Variants in TRIM72 observed in about 807,000 individuals in gnomAD.
The protein encoded by TRIM72 is tripartite motif-containing protein 72.
In TRIM72, 33 loss-of-function variants were observed where a neutral mutation model predicts 31.6. The ratio of observed to expected loss-of-function variants is 1.04; its 90% CI spans 0.79 to 1.40. TRIM72 has a LOEUF of 1.40. TRIM72 is among the 40% of genes most tolerant of loss of function. The pLI is 0.00. For missense variants in TRIM72, 666 were observed against 682.7 expected, an observed-to-expected ratio of 0.98 and a Z score of 0.27; for synonymous variants, 301 against 314.4, an observed-to-expected ratio of 0.96 and a Z score of 0.45.
At chr16:31,221,943 G>A (rs1184032188) in intron 5 of TRIM72, among the ~76,000 whole-genome samples, 1 of 151,588 alleles carries the variant, frequency 6.6e-6, no homozygotes, top group East Asian at 1.9e-4. Context: ...GGCATTGCTG[G>A]GAGAAGGGTG....
At chr16:31,217,184 C>G in intron 2 of TRIM72, 1 of 771,058 alleles carries the variant, frequency 1.3e-6, no homozygotes, top group Non-Finnish European at 2.0e-6. Context: ...GGAGGGGACT[C>G]TGCAAACACC....
Position 31,227,070 on chromosome 16 carries a change from A to T in TRIM72, c.*2315A>T, listed in dbSNP as rs1178324473. 6.6e-6 allele frequency: 1 copy of T among 152,222 alleles called. No homozygotes were observed. The highest frequency in any genetic ancestry group is 2.4e-5 in the African/African-American group (1 of 41,462). 9.4% of individuals were successfully genotyped at this position (152,222 alleles called of 1,614,324 possible). On this transcript the variant is annotated 3_prime_UTR_variant, in exon 7 of 7. Coordinates refer to ENST00000322122, the MANE Select transcript of TRIM72 (RefSeq NM_001008274.4). ...AGACAGAAGAGAGGATTAACGGTAG[A>T]AGCTCTTTCATGTTAGAAAATAAAA... is the stretch of plus-strand genomic sequence containing the variant.
At chr16:31,214,645 GGGCCCGGCCT>G in intron 1 of TRIM72, 77 bp from the exon 2 acceptor site, 1 of 1,332,914 alleles carries the variant, frequency 7.5e-7, no homozygotes, top group South Asian at 1.7e-5. Context: ...GCGGGGCGGC[GGGCCCGGCCT>G]GGGCTAGGGC....
Position 31,216,463 on chromosome 16 carries a change from C to A in TRIM72, c.390+1335C>A. 2.5e-6 allele frequency: 1 copy of A among 397,480 alleles called. No homozygotes were observed. Among genetic ancestry groups the A allele is most frequent in the Non-Finnish European group, 4.5e-6 (1 of 224,076 alleles). 24.6% of individuals were successfully genotyped at this position (397,480 alleles called of 1,614,324 possible). ...AACAAACAAACAAAAAAAACCCAAC[C>A]TCGCCCAACCTTGCCCGTCTTTATC... On this transcript the variant is annotated intron_variant, in intron 2 of 6. Coordinates refer to ENST00000322122, the MANE Select transcript of TRIM72 (RefSeq NM_001008274.4). The surrounding 1 kb of genome is among the most constrained non-coding windows in gnomAD (Gnocchi z 6.7).
Position 31,216,734 on chromosome 16 carries a change from A to C in TRIM72, c.390+1606A>C. The C allele has an allele frequency of 3.8e-6, 6 of 1,579,732 alleles. No individual in the cohort carries two copies. The highest frequency in any genetic ancestry group is 5.2e-6 in the Non-Finnish European group (6 of 1,157,956). On this transcript the variant is annotated intron_variant, in intron 2 of 6. Coordinates refer to ENST00000322122, the MANE Select transcript of TRIM72 (RefSeq NM_001008274.4). The surrounding 1 kb of genome is among the most constrained non-coding windows in gnomAD (Gnocchi z 6.7). ...CGAGGAAGCGGGGTTGGGTCCCGAGATCACGTACCAGCTCAGAGTGGCCCT... is the reference window on the plus strand; with the variant it reads ...CGAGGAAGCGGGGTTGGGTCCCGAGCTCACGTACCAGCTCAGAGTGGCCCT...
Position 31,215,641 on chromosome 16 carries a change from C to T in TRIM72, c.390+513C>T, listed in dbSNP as rs1387469534. Among the ~76,000 whole-genome samples the T allele has an allele frequency of 2.0e-5, 3 of 152,206 alleles. No individual in the cohort carries two copies. The highest frequency in any genetic ancestry group is 2.9e-5 in the Non-Finnish European group (2 of 68,032). On this transcript the variant is annotated intron_variant, in intron 2 of 6. Transcript: ENST00000322122. The surrounding 1 kb of genome is among the most constrained non-coding windows in gnomAD (Gnocchi z 6.3). ...GGAGGCCCACGCACCCCTGAAGCTG[C>T]GGAACTTGGGCTGGCCTGACGGTCC...
At position 31,224,306 on chromosome 16, in the gene TRIM72, G is replaced by C; in HGVS notation, c.985G>C (p.Asp329His). The change falls in exon 7 of 7, where the codon GAC becomes CAC. Residue 329 changes from aspartate (D) to histidine (H), a missense_variant. By Grantham distance (81) the Asp-to-His change is moderately conservative. Coordinates refer to ENST00000322122, the MANE Select transcript of TRIM72 (RefSeq NM_001008274.4). ...PPAGEDPRQF[D>H]KAVAVVAHQQ... ...GGCCGGGGAGGACCCGCGCCAGTTC[G>C]ACAAGGCGGTGGCGGTGGTGGCGCA... is the stretch of plus-strand genomic sequence containing the variant. 6.2e-7 allele frequency: 1 copy of C among 1,601,484 alleles called. No individual in the cohort carries two copies. The highest frequency in any genetic ancestry group is 8.5e-7 in the Non-Finnish European group (1 of 1,177,042).
In TRIM72 at chr16:31,216,842, C is replaced by A; in HGVS notation, c.390+1714C>A. 3.1e-6 allele frequency: 5 copies of A among 1,613,794 alleles called. No homozygotes were observed. The highest frequency in any genetic ancestry group is 4.2e-6 in the Non-Finnish European group (5 of 1,179,974). ...GCCACGACGAGCTCGGCTGCGTAGT[C>A]CTCGTAGTAGGAGGCGACCAGCTTG... On this transcript the variant is annotated intron_variant, in intron 2 of 6. Transcript: ENST00000322122. This position sits in a 1 kb window ranked among gnomAD's most constrained non-coding sequence, Gnocchi z 6.7.
chr16:31,224,191 G>A lies in TRIM72; in HGVS notation c.870G>A (p.Glu290=). 1.9e-6 allele frequency: 3 copies of A among 1,602,848 alleles called. No homozygotes were observed. Among genetic ancestry groups the A allele is most frequent in the Non-Finnish European group, 2.5e-6 (3 of 1,179,824 alleles). Residue 290 remains glutamate (E), a synonymous_variant, in exon 7 of 7, where the codon GAG becomes GAA. Coordinates refer to ENST00000322122, the MANE Select transcript of TRIM72 (RefSeq NM_001008274.4). ...TGTTCTCTCTGGCAGCGCTGGAGGAGCTGACCTTTGACCCGAGCTCTGCGC... is the reference window on the plus strand; with the variant it reads ...TGTTCTCTCTGGCAGCGCTGGAGGAACTGACCTTTGACCCGAGCTCTGCGC... ...MFRALMPALE[E]LTFDPSSAHP...
intron 5 of TRIM72, among the ~76,000 whole-genome samples, chr16:31,221,901 T>C (rs2079536055): frequency 6.9e-6 from 1 of 144,062 alleles, no homozygotes. Context: ...GGGAGAAGGG[T>C]GTTGCTGGCA....
chr16:31,223,017 G>C, intron 6 of TRIM72, 72 bp downstream of exon 6: 1 of 1,222,286 alleles, frequency 8.2e-7, no homozygotes, highest in Non-Finnish European at 1.2e-6. Flanking sequence ...ACCCTGGAGA[G>C]GCCTCCCAGT....
Position 31,214,780 on chromosome 16 carries a change from C to G in TRIM72, c.42C>G (p.Cys14Trp). The change falls in exon 2 of 7, where the codon TGC (cysteine) becomes TGG (tryptophan). Residue 14 changes from cysteine (C) to tryptophan (W), a missense_variant. Transcript: ENST00000322122. ...GCCTCCTGCACCAGGAGCTGTCCTG[C>G]CCGCTGTGCCTGCAGCTGTTCGACG... ...APGLLHQELS[C>W]PLCLQLFDAP... 1 of 1,582,038 alleles carries G rather than the reference C, an allele frequency of 6.3e-7. No individual in the cohort carries two copies. Among genetic ancestry groups the G allele is most frequent in the Admixed American group, 1.7e-5 (1 of 59,030 alleles).
Position 31,224,649 on chromosome 16 carries a change from A to G in TRIM72, c.1328A>G (p.Glu443Gly). 1 of 1,547,992 alleles carries G rather than the reference A, an allele frequency of 6.5e-7. No homozygotes were observed. The highest frequency in any genetic ancestry group is 2.4e-5 in the East Asian group (1 of 41,514). ...DALVPLFAFH[E>G]RLPRPVYPFF... ...CTCGTGCCGCTTTTTGCCTTCCACGAGCGCCTGCCCAGGCCCGTGTACCCC... is the reference window on the plus strand; with the variant it reads ...CTCGTGCCGCTTTTTGCCTTCCACGGGCGCCTGCCCAGGCCCGTGTACCCC... The change falls in exon 7 of 7, where the codon GAG (glutamate) becomes GGG (glycine). Residue 443 changes from glutamate to glycine, a missense_variant. Physicochemically the swap from Glu to Gly is moderately conservative, Grantham distance 98. Coordinates refer to ENST00000322122, the MANE Select transcript of TRIM72 (RefSeq NM_001008274.4).
At position 31,226,517 on chromosome 16, in the gene TRIM72, T is replaced by G. The variant is rs915016917; in HGVS notation, c.*1762T>G. 1 of 152,152 alleles carries G rather than the reference T, an allele frequency of 6.6e-6. No individual in the cohort carries two copies. Among genetic ancestry groups the G allele is most frequent in the Non-Finnish European group, 1.5e-5 (1 of 68,014 alleles). 9.4% of individuals were successfully genotyped at this position (152,152 alleles called of 1,614,324 possible). On this transcript the variant is annotated 3_prime_UTR_variant, in exon 7 of 7. Transcript: ENST00000322122. The stretch of plus-strand genomic sequence containing the variant: ...ATAAACAACCCTCGACTTAACTTGC[T>G]TTGCCTCTGGGATATGTTTATCGAG...
chr16:31,219,140 C>G lies in TRIM72; in HGVS notation c.436C>G (p.Arg146Gly). 1 of 1,603,564 alleles carries G rather than the reference C, an allele frequency of 6.2e-7. No homozygotes were observed. The highest frequency in any genetic ancestry group is 8.5e-7 in the Non-Finnish European group (1 of 1,175,098). ...ACTGCAGCTGCAGGAGGCATGCATG[C>G]GCAAGGAGAAGAGTGTGGCTGTGCT... is the stretch of plus-strand genomic sequence containing the variant. ...QKLQLQEACM[R>G]KEKSVAVLEH... is the part of the protein sequence containing the mutation. The change falls in exon 3 of 7, where the codon CGC becomes GGC. Residue 146 changes from arginine (R) to glycine (G), a missense_variant. Transcript: ENST00000322122. This position sits in a 1 kb window ranked among gnomAD's most constrained non-coding sequence, Gnocchi z 4.2.
rs2079569526 is a variant in TRIM72 at position 31,231,436 on chromosome 16, A to G, written c.*6681A>G. On this transcript the variant is annotated 3_prime_UTR_variant, in exon 7 of 7. Coordinates refer to ENST00000322122, the MANE Select transcript of TRIM72 (RefSeq NM_001008274.4). ...ATCTTGGAGTATCGACTTTATGCCAATATTCTTCTTCTTGATACTGGTGGT... is the reference window on the plus strand; with the variant it reads ...ATCTTGGAGTATCGACTTTATGCCAGTATTCTTCTTCTTGATACTGGTGGT... 1 of 152,108 alleles carries G rather than the reference A, an allele frequency of 6.6e-6. No homozygotes were observed. Among genetic ancestry groups the G allele is most frequent in the African/African-American group, 2.4e-5 (1 of 41,406 alleles). 9.4% of individuals were successfully genotyped at this position (152,108 alleles called of 1,614,324 possible).
chr16:31,214,680 GC>G (rs1218926779), intron 1 of TRIM72, 51 bp from the exon 2 acceptor site: 1 of 1,437,434 alleles, frequency 7.0e-7, no homozygotes, highest in African/African-American at 1.5e-5. Flanking sequence ...CCAGGGCTGG[GC>G]CGGGAGCGCG....
At position 31,216,907 on chromosome 16, in the gene TRIM72, C is replaced by G; in HGVS notation, c.390+1779C>G. ...GATATCTAGCTGCCCGAGCGCGCCC[C>G]GCGGGATGCGCTCAAAGCCCTCGCG... On this transcript the variant is annotated intron_variant, in intron 2 of 6. Coordinates refer to ENST00000322122, the MANE Select transcript of TRIM72 (RefSeq NM_001008274.4). The surrounding 1 kb of genome is among the most constrained non-coding windows in gnomAD (Gnocchi z 6.7). The G allele has an allele frequency of 6.2e-7, 1 of 1,613,982 alleles. No individual in the cohort carries two copies. The highest frequency in any genetic ancestry group is 8.5e-7 in the Non-Finnish European group (1 of 1,180,038).
In TRIM72 at chr16:31,219,285, G is replaced by T; in HGVS notation, c.487-4G>T. ...TCCCTTCAATCACTGCCCCATCCCT[G>T]CAGGAGACAGTGCGTCAGTTCCGGG... On this transcript the variant is annotated splice_polypyrimidine_tract_variant and splice_region_variant and intron_variant, in intron 3 of 6. Coordinates refer to ENST00000322122, the MANE Select transcript of TRIM72 (RefSeq NM_001008274.4). The surrounding 1 kb of genome is among the most constrained non-coding windows in gnomAD (Gnocchi z 4.2). 6.2e-7 allele frequency: 1 copy of T among 1,614,184 alleles called. No individual in the cohort carries two copies. Among genetic ancestry groups the T allele is most frequent in the Admixed American group, 1.7e-5 (1 of 60,018 alleles).
Sources: gnomAD v4.1 joint callset for allele counts (sites outside exome capture counted in the v4.1 genomes callset) on GRCh38, gnomAD v4.1.1 for gene constraint, Gnocchi (gnomAD v3.1) non-coding constraint, MANE v1.5 for transcripts, NCBI Gene and HGNC (gene_info 2026-07-23, HGNC 2026-07-21) for gene names.